HROB: variants seen among roughly 807,000 people sequenced by gnomAD.
HROB encodes homologous recombination OB-fold protein.
A neutral mutation model predicts 61.0 loss-of-function variants in HROB; 44 were observed. That is an observed-to-expected ratio of 0.72 (90% CI 0.57 to 0.93). The LOEUF (loss-of-function observed/expected upper bound fraction) is 0.93. HROB is among the 40% of genes least tolerant of loss of function. HROB has a pLI of 0.00. For missense variants in HROB, 716 were observed against 796.2 expected, an observed-to-expected ratio of 0.90 and a Z score of 1.21; for synonymous variants, 301 against 310.4, an observed-to-expected ratio of 0.97 and a Z score of 0.32.
intron 1 of HROB, among the ~76,000 whole-genome samples, chr17:44,142,449 C>G (rs1049725634): frequency 1.3e-5 from 2 of 151,968 alleles, no homozygotes; most frequent in Non-Finnish European, 2.9e-5. Context: ...TTTCCCCTCC[C>G]CGCCCCACAC....
intron 1 of HROB, among the ~76,000 whole-genome samples, chr17:44,144,441 A>G (rs910259594): frequency 6.6e-6 from 1 of 151,848 alleles, no homozygotes; most frequent in Non-Finnish European, 1.5e-5. Context: ...ACGCCCGACC[A>G]AATTTTGTAT....
In HROB at chr17:44,162,052, T is replaced by C; in HGVS notation, c.*120T>C. 1 of 1,164,862 alleles carries C rather than the reference T, an allele frequency of 8.6e-7. No homozygotes were observed. The highest frequency in any genetic ancestry group is 1.2e-6 in the Non-Finnish European group (1 of 810,980). The allele number at this position is 1,164,862 out of a possible 1,614,324, so 72.2% of individuals were successfully genotyped here. On this transcript the variant is annotated 3_prime_UTR_variant, in exon 10 of 10. Transcript: ENST00000585683. ...AGAGTGGACACAGCCGGGGGGCTTC[T>C]GTGGTTGCTCCCACCCTGGGTGTTT...
chr17:44,146,742 CACTT>C (rs1354004548), intron 2 of HROB, among the ~76,000 whole-genome samples: 1 of 148,948 alleles, frequency 6.7e-6, no homozygotes, highest in Admixed American at 6.7e-5. Context: ...GTATGGGACT[CACTT>C]AATAATACAC....
intron 8 of HROB, 82 bp downstream of exon 8, chr17:44,155,493 T>A: frequency 6.4e-7 from 1 of 1,567,520 alleles, no homozygotes; most frequent in Non-Finnish European, 8.6e-7. Context: ...TCTTCCACCC[T>A]GGGGAGCAGA....
intron 5 of HROB, 50 bp downstream of exon 5, chr17:44,152,827 C>T: frequency 1.9e-6 from 3 of 1,594,128 alleles, no homozygotes. Context: ...TTTTCTCCCT[C>T]TCTCTGACCT....
chr17:44,152,383 A>G (rs1398663818), intron 4 of HROB, among the ~76,000 whole-genome samples: 1 of 151,980 alleles, frequency 6.6e-6, no homozygotes, highest in Non-Finnish European at 1.5e-5. Flanking sequence ...GAAACCTGTG[A>G]TACGCGACAA....
In HROB at chr17:44,152,696, C is replaced by A. The variant is rs1440828913; in HGVS notation, c.1368C>A (p.Thr456=). 2 of 1,614,038 alleles carry A rather than the reference C, an allele frequency of 1.2e-6. No homozygotes were observed. The highest frequency in any genetic ancestry group is 2.7e-5 in the African/African-American group (2 of 74,914). The part of the protein sequence containing the change: ...EEDFGRGPWL[T]MKSTLGLDER... Reference sequence around the variant, plus strand: ...ATTTTGGGCGAGGGCCCTGGCTGACCATGAAATCCACGCTAGGCCTGGATG... The same window carrying A: ...ATTTTGGGCGAGGGCCCTGGCTGACAATGAAATCCACGCTAGGCCTGGATG... The change falls in exon 5 of 10, where the codon ACC becomes ACA. Residue 456 remains threonine (T), a synonymous_variant. Transcript: ENST00000585683.
chr17:44,146,691 T>C (rs1344678862), intron 2 of HROB, among the ~76,000 whole-genome samples: 1 of 152,070 alleles, frequency 6.6e-6, no homozygotes, highest in East Asian at 1.9e-4. Flanking sequence ...ATAGTTCTGG[T>C]TATTATTATT....
chr17:44,150,935 C>T (rs1169528980), intron 3 of HROB, 26 bp from the exon 4 acceptor site: 21 of 1,575,514 alleles, frequency 1.3e-5, no homozygotes, highest in Admixed American at 1.7e-5. Context: ...AGCTTGCTCT[C>T]ATCTTCTCCT....
Position 44,155,323 on chromosome 17 carries a change from T to C in HROB, c.1682T>C (p.Leu561Pro). The change falls in exon 8 of 10, where the codon CTC becomes CCC. Residue 561 changes from leucine to proline, a missense_variant. Coordinates refer to ENST00000585683, the MANE Select transcript of HROB (RefSeq NM_001171251.3). ...VFSPSLRNHY[L>P]NVTPNNLVHI... The stretch of plus-strand genomic sequence containing the variant: ...TCTCCTTCACTTCGAAATCACTACC[T>C]CAACGTGACACCCAACAACCTGGTC... The C allele has an allele frequency of 6.2e-7, 1 of 1,614,154 alleles. No homozygotes were observed.
chr17:44,148,282 A>G lies in HROB; in HGVS notation c.479A>G (p.Lys160Arg), dbSNP rs1215983763. ...FEGPEQDEFDKVLASMELEEP... is the reference protein window; with the variant it reads ...FEGPEQDEFDRVLASMELEEP... ...GGGCCTGAACAAGACGAATTTGATA[A>G]AGTCCTGGCAAGCATGGAGTTGGAG... is the stretch of plus-strand genomic sequence containing the variant. The change falls in exon 3 of 10, where the codon AAA becomes AGA. Residue 160 changes from lysine to arginine, a missense_variant. Transcript: ENST00000585683. The G allele has an allele frequency of 1.2e-6, 2 of 1,614,010 alleles. No homozygotes were observed. Among genetic ancestry groups the G allele is most frequent in the Non-Finnish European group, 1.7e-6 (2 of 1,180,008 alleles).
rs181325068 is a variant in HROB at position 44,151,521 on chromosome 17, C to T, written c.1308+477C>T. ...AACCCAGTTTTGCTTTTAATTCTCCCCAGTATTTTTTCTCTGCTGTAGCTC... is the reference window on the plus strand; with the variant it reads ...AACCCAGTTTTGCTTTTAATTCTCCTCAGTATTTTTTCTCTGCTGTAGCTC... On this transcript the variant is annotated intron_variant, in intron 4 of 9. Coordinates refer to ENST00000585683, the MANE Select transcript of HROB (RefSeq NM_001171251.3). Among the ~76,000 whole-genome samples the T allele has an allele frequency of 2.6e-5, 4 of 152,280 alleles. No homozygotes were observed. In the East Asian group the frequency reaches 7.7e-4, roughly 29 times the overall value.
Position 44,141,984 on chromosome 17 carries a change from C to T in HROB, c.-159C>T. ...GCGCCTGCCGCCAGTCTCCTGGCGA[C>T]TTTCCCTATATCGCAGAGACTCATC... On this transcript the variant is annotated 5_prime_UTR_variant, in exon 1 of 10. Transcript: ENST00000585683. 1.9e-6 allele frequency: 2 copies of T among 1,055,868 alleles called. No individual in the cohort carries two copies. Among genetic ancestry groups the T allele is most frequent in the Non-Finnish European group, 2.6e-6 (2 of 761,474 alleles). The allele number at this position is 1,055,868 out of a possible 1,614,324, so 65.4% of individuals were successfully genotyped here.
intron 4 of HROB, 76 bp from the exon 5 acceptor site, chr17:44,152,561 C>T (rs1461546746): frequency 7.9e-6 from 12 of 1,522,750 alleles, no homozygotes; most frequent in South Asian, 3.8e-5. Flanking sequence ...TCTCACCCTT[C>T]CACCCTGTTT....
rs1026366528 is a variant in HROB at position 44,162,011 on chromosome 17, A to C, written c.*79A>C. 6.7e-7 allele frequency: 1 copy of C among 1,496,256 alleles called. No homozygotes were observed. The allele number at this position is 1,496,256 out of a possible 1,614,324, so 92.7% of individuals were successfully genotyped here. On this transcript the variant is annotated 3_prime_UTR_variant, in exon 10 of 10. Transcript: ENST00000585683. ...CTGGTCACATCCAAGGGGGAGAAGA[A>C]GGCCAGCATGATTGGAGAGTGGACA...
intron 1 of HROB, among the ~76,000 whole-genome samples, chr17:44,144,254 C>T (rs1298541941): frequency 6.6e-6 from 1 of 152,104 alleles, no homozygotes; most frequent in African/African-American, 2.4e-5. Flanking sequence ...ATTCTCCTGC[C>T]TCAGCCTCCT....
At position 44,148,685 on chromosome 17, in the gene HROB, T is replaced by G. The variant is rs756598724; in HGVS notation, c.882T>G (p.Asn294Lys). Residue 294 changes from asparagine (N) to lysine (K), a missense_variant, in exon 3 of 10, where the codon AAT becomes AAG. By Grantham distance (94) the Asn-to-Lys change is moderately conservative. Coordinates refer to ENST00000585683, the MANE Select transcript of HROB (RefSeq NM_001171251.3). ...ARGTIQSSPQ[N>K]RFPCQPFQSP... is the part of the protein sequence containing the mutation. Reference sequence around the variant, plus strand: ...GGACCATTCAGAGCAGCCCTCAAAATCGTTTCCCTTGTCAGCCATTCCAGT... The same window carrying G: ...GGACCATTCAGAGCAGCCCTCAAAAGCGTTTCCCTTGTCAGCCATTCCAGT... The G allele has an allele frequency of 6.2e-7, 1 of 1,614,046 alleles. No individual in the cohort carries two copies. The highest frequency in any genetic ancestry group is 1.1e-5 in the South Asian group (1 of 91,082).
rs78810099 is a variant in HROB at position 44,162,042 on chromosome 17, G to A, written c.*110G>A. ...GCATGATTGGAGAGTGGACACAGCCGGGGGGCTTCTGTGGTTGCTCCCACC... is the reference window on the plus strand; with the variant it reads ...GCATGATTGGAGAGTGGACACAGCCAGGGGGCTTCTGTGGTTGCTCCCACC... On this transcript the variant is annotated 3_prime_UTR_variant, in exon 10 of 10. Transcript: ENST00000585683. 3,493 of 1,273,634 alleles carry A rather than the reference G, an allele frequency of 2.7e-3. 6 individuals carry two copies. Among genetic ancestry groups the A allele is most frequent in the Admixed American group, 3.9e-3 (196 of 49,810 alleles). 78.9% of individuals were successfully genotyped at this position (1,273,634 alleles called of 1,614,324 possible).
chr17:44,143,661 AAG>A (rs1567710351), intron 1 of HROB, among the ~76,000 whole-genome samples: 1 of 151,770 alleles, frequency 6.6e-6, no homozygotes, highest in African/African-American at 2.4e-5. Context: ...AAAAAAAAAA[AAG>A]AAAATTAGCT....
Sources: gnomAD v4.1 joint callset for allele counts (sites outside exome capture counted in the v4.1 genomes callset) on GRCh38, gnomAD v4.1.1 for gene constraint, MANE v1.5 for transcripts, NCBI Gene and HGNC (gene_info 2026-07-23, HGNC 2026-07-21) for gene names.